The following ATP6V0D1 variants were observed in gnomAD, a reference collection of about 807,000 sequenced individuals.
ATP6V0D1 encodes the protein ATPase H+ transporting V0 subunit d1.
Under a neutral mutation model 39.0 loss-of-function variants are expected in ATP6V0D1, and 13 were observed. The observed-to-expected ratio is 0.33, with a 90% confidence interval of 0.22 to 0.53. ATP6V0D1 has a LOEUF of 0.53. ATP6V0D1 is among the 20% of genes least tolerant of loss of function. The pLI is 0.94. For synonymous variants in ATP6V0D1, 191 were observed against 191.2 expected (o/e 1.00, Z 0.01); for missense variants, 272 against 470.9 (o/e 0.58, Z 3.91).
rs769237299 is a variant in ATP6V0D1, at chr16:67,438,884, T to C, written c.817-14A>G. 3 of 1,231,094 alleles carry C rather than the reference T, an allele frequency of 2.4e-6. No individual in the cohort carries two copies. Among genetic ancestry groups the C allele is most frequent in the African/African-American group, 4.0e-5 (2 of 49,758 alleles). 76.3% of individuals were successfully genotyped at this position (1,231,094 alleles called of 1,614,324 possible). On this transcript the variant is annotated splice_polypyrimidine_tract_variant and intron_variant, in intron 6 of 7. Coordinates refer to ENST00000290949, the MANE Select transcript of ATP6V0D1 (RefSeq NM_004691.5). ...CAGCTTGTACTCCTGGCCAGGGGGG[T>C]GGGGGGAAGCACAAGCATGAGGGTT...
intron 4 of ATP6V0D1, chr16:67,441,138 G>A (rs1567533169): frequency 6.6e-6 from 1 of 152,298 alleles, no homozygotes; most frequent in Admixed American, 6.5e-5. Context: ...CCCAGGGTCA[G>A]GGAGGCTGGT....
chr16:67,480,655 G>C (rs1283829670), intron 1 of ATP6V0D1, among the ~76,000 whole-genome samples: 1 of 152,068 alleles, frequency 6.6e-6, no homozygotes, highest in Non-Finnish European at 1.5e-5. Context: ...GCCACACCTC[G>C]CACCGACCAA....
At chr16:67,445,721 G>A in intron 2 of ATP6V0D1, 1 of 346,254 alleles carries the variant, frequency 2.9e-6, no homozygotes, top group South Asian at 2.1e-5. Flanking sequence ...CTGGGGAGGG[G>A]TGAGACTGCC....
At chr16:67,467,014 C>T (rs1277983636) in intron 1 of ATP6V0D1, among the ~76,000 whole-genome samples, 1 of 152,092 alleles carries the variant, frequency 6.6e-6, no homozygotes, top group African/African-American at 2.4e-5. Flanking sequence ...TCAGCCAGAC[C>T]CTCCCAAGTC....
At chr16:67,446,686 C>A (rs1166085422) in intron 2 of ATP6V0D1, among the ~76,000 whole-genome samples, 1 of 152,138 alleles carries the variant, frequency 6.6e-6, no homozygotes, top group Non-Finnish European at 1.5e-5. Flanking sequence ...GCTGCATATG[C>A]GCCACCCCGC....
intron 2 of ATP6V0D1, among the ~76,000 whole-genome samples, chr16:67,448,098 C>G (rs1390855257): frequency 2.0e-5 from 3 of 152,220 alleles, no homozygotes; most frequent in Non-Finnish European, 4.4e-5. Flanking sequence ...CACCAGTAAT[C>G]CCAGCACTTT....
chr16:67,468,122 C>G (rs1382631343), intron 1 of ATP6V0D1, among the ~76,000 whole-genome samples: 1 of 152,082 alleles, frequency 6.6e-6, no homozygotes, highest in Non-Finnish European at 1.5e-5. Context: ...GAGACCCTGT[C>G]TCCACTAAAA....
At chr16:67,475,560 G>A (rs2041407943) in intron 1 of ATP6V0D1, among the ~76,000 whole-genome samples, 1 of 152,180 alleles carries the variant, frequency 6.6e-6, no homozygotes. Flanking sequence ...AAGCTGAGAA[G>A]GTCACAGGAC....
At chr16:67,440,031 A>C (rs2041031300) in intron 4 of ATP6V0D1, 1 of 152,438 alleles carries the variant, frequency 6.6e-6, no homozygotes, top group Non-Finnish European at 1.5e-5. Context: ...AAAGAATAAA[A>C]AAACAGGTGT....
intron 1 of ATP6V0D1, among the ~76,000 whole-genome samples, chr16:67,478,609 G>C (rs893581561): frequency 7.5e-6 from 1 of 133,786 alleles, no homozygotes; most frequent in Non-Finnish European, 1.6e-5. Flanking sequence ...GCTAGACTCT[G>C]TCTCAAAAAA....
intron 1 of ATP6V0D1, among the ~76,000 whole-genome samples, chr16:67,473,880 G>C (rs1026117424): frequency 6.6e-6 from 1 of 151,990 alleles, no homozygotes; most frequent in Non-Finnish European, 1.5e-5. Context: ...GGCTGGTATC[G>C]AACTGACCTT....
rs1207978954 is a variant in ATP6V0D1, at chr16:67,453,344, G to A, written c.302+200C>T. Among the ~76,000 whole-genome samples, 1 of 152,188 alleles carries A rather than the reference G, an allele frequency of 6.6e-6. No homozygotes were observed. The highest frequency in any genetic ancestry group is 1.5e-5 in the Non-Finnish European group (1 of 68,038). On this transcript the variant is annotated intron_variant, in intron 2 of 7. Transcript: ENST00000290949. This position sits in a 1 kb window ranked among gnomAD's most constrained non-coding sequence, Gnocchi z 4.1. ...CATAGGTGGTGGCCTGGAAGTCCAG[G>A]GTTGTTGAATGACCACGCACACAGT...
chr16:67,468,313 C>A (rs960283079), intron 1 of ATP6V0D1, among the ~76,000 whole-genome samples: 3 of 151,856 alleles, frequency 2.0e-5, no homozygotes, highest in Admixed American at 2.0e-4. Context: ...AGGAGCTAAG[C>A]GTGATGGCTC....
chr16:67,476,565 C>T (rs552238859), intron 1 of ATP6V0D1, among the ~76,000 whole-genome samples: 3 of 152,128 alleles, frequency 2.0e-5, no homozygotes, highest in African/African-American at 7.2e-5. Context: ...TAACTAAGTA[C>T]TTGATTACTG....
At chr16:67,458,882 T>TCC (rs1044151142) in intron 1 of ATP6V0D1, 3 of 185,050 alleles carry the variant, frequency 1.6e-5, no homozygotes, top group African/African-American at 4.8e-5. Flanking sequence ...CAGATGACTC[T>TCC]CCCCCCAGCT....
rs778010650 is a variant in ATP6V0D1, at chr16:67,438,971, C to T, written c.816G>A (p.Pro272=). Residue 272 remains proline (P), a splice_region_variant and synonymous_variant, in exon 6 of 8, where the codon CCG becomes CCA. Transcript: ENST00000290949. ...EQVKNVADYY[P]EYKLLFEGAG... is the part of the protein sequence containing the mutation. Reference sequence around the variant, plus strand: ...CTGTCCTGCCAGCCGGGGCACTCACCGGGTAGTAATCGGCCACGTTCTTGA... The same window carrying T: ...CTGTCCTGCCAGCCGGGGCACTCACTGGGTAGTAATCGGCCACGTTCTTGA... 13 of 1,613,652 alleles carry T rather than the reference C, an allele frequency of 8.1e-6. No individual in the cohort carries two copies. The highest frequency in any genetic ancestry group is 2.2e-5 in the East Asian group (1 of 44,862).
At chr16:67,451,412 G>C (rs1295717034) in intron 2 of ATP6V0D1, among the ~76,000 whole-genome samples, 1 of 152,202 alleles carries the variant, frequency 6.6e-6, no homozygotes, top group Non-Finnish European at 1.5e-5. Flanking sequence ...GTCCCGCTGA[G>C]TCTGGAACCC....
Position 67,453,044 on chromosome 16 carries a change from C to T in ATP6V0D1, c.302+500G>A, listed in dbSNP as rs2041199167. ...AACCAATCTCCCTGAGACCCAGGGC[C>T]ATGGTCAGAGCAGATAGAGAATGGG... is the stretch of plus-strand genomic sequence containing the variant. On this transcript the variant is annotated intron_variant, in intron 2 of 7. Coordinates refer to ENST00000290949, the MANE Select transcript of ATP6V0D1 (RefSeq NM_004691.5). This position sits in a 1 kb window ranked among gnomAD's most constrained non-coding sequence, Gnocchi z 4.1. Among the ~76,000 whole-genome samples the T allele has an allele frequency of 6.6e-6, 1 of 152,234 alleles. No individual in the cohort carries two copies. Among genetic ancestry groups the T allele is most frequent in the South Asian group, 2.1e-4 (1 of 4,830 alleles).
At chr16:67,457,491 G>A in intron 1 of ATP6V0D1, 1 of 1,043,470 alleles carries the variant, frequency 9.6e-7, no homozygotes, top group Non-Finnish European at 1.3e-6. Flanking sequence ...GGCAGGTGGT[G>A]GCAGAGGGGT....
Sources: allele counts gnomAD v4.1 joint callset (sites outside exome capture counted in the v4.1 genomes callset), GRCh38; gene constraint gnomAD v4.1.1; non-coding constraint Gnocchi (gnomAD v3.1); transcripts MANE v1.5; gene names NCBI Gene and HGNC (gene_info 2026-07-23, HGNC 2026-07-21).